ARL17A: variants seen among roughly 807,000 people sequenced by gnomAD.
The protein encoded by ARL17A is ARF like GTPase 17A.
chr17:46,534,861 G>C (rs1174244083), intron 4 of ARL17A, among the ~76,000 whole-genome samples: 1 of 149,714 alleles, frequency 6.7e-6, no homozygotes, highest in Non-Finnish European at 1.5e-5. Context: ...GGCGGCTGCC[G>C]GGCAGAGGGG....
At chr17:46,530,171 C>G (rs1398777885) in intron 4 of ARL17A, among the ~76,000 whole-genome samples, 1 of 134,106 alleles carries the variant, frequency 7.5e-6, no homozygotes, top group Non-Finnish European at 1.6e-5. Context: ...AGATTACAGG[C>G]TTGAGATGCT....
At chr17:46,516,388 C>T (rs2051323486), downstream of ARL17A, among the ~76,000 whole-genome samples, 1 of 139,746 alleles carries the variant, frequency 7.2e-6, no homozygotes, top group Non-Finnish European at 1.5e-5. Context: ...TAATGCAGAC[C>T]ATTGGTGCTA....
chr17:46,528,682 T>G, downstream of ARL17A: 1 of 590,898 alleles, frequency 1.7e-6, no homozygotes, highest in Non-Finnish European at 2.9e-6. Context: ...ATCACACCAC[T>G]GCACTGCACT....
the ARL17A span, among the ~76,000 whole-genome samples, chr17:46,503,068 C>G: frequency 6.6e-6 from 1 of 150,622 alleles, no homozygotes; most frequent in Non-Finnish European, 1.5e-5. Context: ...GAAAATTAGC[C>G]GGCAGTGGTG....
At chr17:46,539,560 C>G (rs1334747063) in intron 3 of ARL17A, among the ~76,000 whole-genome samples, 27 of 149,148 alleles carry the variant, frequency 1.8e-4, no homozygotes, top group African/African-American at 5.5e-4. Context: ...GTCAAGAGTT[C>G]AAAACCAGCC....
At chr17:46,533,411 A>G (rs2054016381) in intron 4 of ARL17A, among the ~76,000 whole-genome samples, 1 of 119,046 alleles carries the variant, frequency 8.4e-6, no homozygotes, top group South Asian at 2.5e-4. Context: ...CCTCCTTTAT[A>G]CTGTTATTGT....
At chr17:46,543,208 G>A (rs1370335793) in intron 3 of ARL17A, among the ~76,000 whole-genome samples, 2 of 150,558 alleles carry the variant, frequency 1.3e-5, no homozygotes, top group East Asian at 3.9e-4. Context: ...TTCATTATTG[G>A]AAGTCTTCAG....
At chr17:46,573,006 G>A (rs1373060177) in intron 2 of ARL17A, among the ~76,000 whole-genome samples, 1 of 31,416 alleles carries the variant, frequency 3.2e-5, no homozygotes, top group Non-Finnish European at 1.6e-4. Flanking sequence ...AGGAAGGGAG[G>A]AAGGGAGGAA....
At chr17:46,534,879 C>G (rs2054390192) in intron 4 of ARL17A, among the ~76,000 whole-genome samples, 1 of 149,764 alleles carries the variant, frequency 6.7e-6, no homozygotes, top group South Asian at 2.1e-4. Flanking sequence ...GGGCTCCTCA[C>G]TTCTCAGACG....
intron 3 of ARL17A, among the ~76,000 whole-genome samples, chr17:46,543,139 C>G (rs1291396912): frequency 3.3e-5 from 5 of 150,164 alleles, no homozygotes; most frequent in Non-Finnish European, 5.9e-5. Flanking sequence ...ATGCTCTCAT[C>G]CTCTGTAATG....
At chr17:46,516,228 G>A (rs1292629351), downstream of ARL17A, among the ~76,000 whole-genome samples, 2 of 138,612 alleles carry the variant, frequency 1.4e-5, no homozygotes, top group Non-Finnish European at 1.6e-5. Flanking sequence ...GCATGAACCT[G>A]GGAGGCAGAG....
chr17:46,544,813 C>G (rs866310573), intron 3 of ARL17A, among the ~76,000 whole-genome samples: 4 of 119,630 alleles, frequency 3.3e-5, no homozygotes, highest in Admixed American at 2.5e-4. Flanking sequence ...GGAAAAAATT[C>G]AAACAAGCCA....
intron 3 of ARL17A, among the ~76,000 whole-genome samples, chr17:46,568,957 TTTTG>T (rs2057613399): frequency 8.1e-6 from 1 of 123,774 alleles, no homozygotes. Context: ...TTTTTTTTTT[TTTTG>T]AGATGGAGTC....
chr17:46,518,087 TTTAGTATACA>T (rs2051652483), intron 3 of ARL17A, among the ~76,000 whole-genome samples: 2 of 101,908 alleles, frequency 2.0e-5, no homozygotes, highest in Non-Finnish European at 3.7e-5. Flanking sequence ...CTACTCTGCA[TTTAGTATACA>T]TGCTTCCAGA....
chr17:46,534,472 T>A lies in ARL17A; in HGVS notation c.335+3879A>T, dbSNP rs375459735. ...GCACCGCCCTTAATCCATTCAACCC[T>A]GAGTGGACACAGCACATGTTTCAGA... On this transcript the variant is annotated intron_variant, in intron 4 of 4. Coordinates refer to the ARL17A transcript ENST00000329240. Among the ~76,000 whole-genome samples, 41 of 148,940 alleles carry A rather than the reference T, an allele frequency of 2.8e-4. 1 individual carries two copies. In the South Asian group the frequency reaches 8.7e-3, roughly 31 times the overall value.
chr17:46,575,310 T>C (rs1296477618), intron 2 of ARL17A, among the ~76,000 whole-genome samples: 2 of 150,234 alleles, frequency 1.3e-5, no homozygotes, highest in Non-Finnish European at 3.0e-5. Flanking sequence ...TGGTTCACAG[T>C]AAGAGCAGTG....
At chr17:46,551,427 C>A (rs2056806504), downstream of ARL17A, among the ~76,000 whole-genome samples, 2 of 149,726 alleles carry the variant, frequency 1.3e-5, no homozygotes, top group Non-Finnish European at 2.9e-5. Flanking sequence ...TGGCAGCCCT[C>A]CATTCCAGCC....
At chr17:46,530,320 T>G (rs2053498177) in intron 4 of ARL17A, among the ~76,000 whole-genome samples, 1 of 131,588 alleles carries the variant, frequency 7.6e-6, no homozygotes, top group Non-Finnish European at 1.7e-5. Flanking sequence ...ACGAAGGATA[T>G]TTAAAGCCCT....
chr17:46,553,009 CG>C lies in ARL17A; in HGVS notation c.*4346del, dbSNP rs1460966604. On this transcript the variant is annotated 3_prime_UTR_variant, in exon 4 of 4. Coordinates refer to ENST00000336125, the MANE Select transcript of ARL17A (RefSeq NM_001113738.2). The stretch of plus-strand genomic sequence containing the variant: ...GGTTGAGGCTACAGTGAGCTGTGAT[CG>C]TGACACCGCACTCCATCCTGAGTAA... 7.0e-6 allele frequency among the ~76,000 whole-genome samples: 1 copy of C among 142,946 alleles called. No individual in the cohort carries two copies. The highest frequency in any genetic ancestry group is 1.5e-5 in the Non-Finnish European group (1 of 66,784). The allele number at this position is 142,946 out of a possible 152,430, so 93.8% of individuals were successfully genotyped here.
Sources: gnomAD v4.1 joint callset for allele counts (sites outside exome capture counted in the v4.1 genomes callset) on GRCh38, gnomAD v4.1.1 for gene constraint, MANE v1.5 for transcripts, NCBI Gene and HGNC (gene_info 2026-07-23, HGNC 2026-07-21) for gene names.